Variants in SORCS2 observed in about 807,000 individuals in gnomAD.
The protein encoded by SORCS2 is sortilin related VPS10 domain containing receptor 2.
SORCS2 carries 100 observed loss-of-function variants against 141.6 expected under a neutral mutation model. That is an observed-to-expected ratio of 0.71 (90% CI 0.60 to 0.83). The LOEUF is 0.83. SORCS2 is among the 40% of genes least tolerant of loss of function. SORCS2 has a pLI of 0.00. For missense variants in SORCS2, 1,646 were observed against 1,560.2 expected, an observed-to-expected ratio of 1.05 and a Z score of -0.93; for synonymous variants, 789 against 676.9, an observed-to-expected ratio of 1.17 and a Z score of -2.57.
At chr4:7,696,909 G>A (rs1724747934) in intron 11 of SORCS2, among the ~76,000 whole-genome samples, 1 of 152,184 alleles carries the variant, frequency 6.6e-6, no homozygotes, top group Non-Finnish European at 1.5e-5. Flanking sequence ...CACACTCCAT[G>A]CTTCTTATTT....
At chr4:7,267,871 TGTCA>T (rs1004399257) in intron 1 of SORCS2, among the ~76,000 whole-genome samples, 29 of 152,224 alleles carry the variant, frequency 1.9e-4, no homozygotes, top group Non-Finnish European at 3.8e-4. Context: ...ATCGGGGGTC[TGTCA>T]GTCAACCCGT....
At chr4:7,453,640 G>C (rs1285917624) in intron 2 of SORCS2, among the ~76,000 whole-genome samples, 3 of 128,182 alleles carry the variant, frequency 2.3e-5, no homozygotes, top group Non-Finnish European at 4.9e-5. Flanking sequence ...GTTGGGGTCA[G>C]GCACTGTGTT....
chr4:7,402,209 C>G (rs1305228745), intron 2 of SORCS2, among the ~76,000 whole-genome samples: 2 of 152,184 alleles, frequency 1.3e-5, no homozygotes, highest in Non-Finnish European at 2.9e-5. Flanking sequence ...TGGAATTGCT[C>G]TCTCTCAAAG....
chr4:7,380,202 C>T (rs1042980686), intron 1 of SORCS2, among the ~76,000 whole-genome samples: 3 of 152,194 alleles, frequency 2.0e-5, no homozygotes, highest in Admixed American at 1.3e-4. Flanking sequence ...CCTGGAGCCT[C>T]CACAGGAGCC....
At chr4:7,418,517 C>T (rs556105795) in intron 2 of SORCS2, among the ~76,000 whole-genome samples, 5 of 152,230 alleles carry the variant, frequency 3.3e-5, no homozygotes, top group East Asian at 1.9e-4. Context: ...GTTGGCAGGG[C>T]GCAGGACTGT....
At position 7,500,402 on chromosome 4, in the gene SORCS2, C is replaced by A. The variant is rs750136; in HGVS notation, c.549-31128C>A. Among the ~76,000 whole-genome samples, 14 of 151,990 alleles carry A rather than the reference C, an allele frequency of 9.2e-5. 1 individual carries two copies. The East Asian group carries it at 1.2e-3, about 13-fold the overall frequency. On this transcript the variant is annotated intron_variant, in intron 2 of 26. Coordinates refer to ENST00000507866, the MANE Select transcript of SORCS2 (RefSeq NM_020777.3). ...CATTGAGGACCTCCTGCAAACAGGCCCTGGAATGGGGGCTTCCCTCCTCTG... is the reference window on the plus strand; with the variant it reads ...CATTGAGGACCTCCTGCAAACAGGCACTGGAATGGGGGCTTCCCTCCTCTG...
At chr4:7,366,253 C>G (rs570669006) in intron 1 of SORCS2, among the ~76,000 whole-genome samples, 37 of 152,078 alleles carry the variant, frequency 2.4e-4, no homozygotes, top group African/African-American at 8.0e-4. Context: ...CCCTTCCTCT[C>G]TCTCTCTCAG....
intron 1 of SORCS2, among the ~76,000 whole-genome samples, chr4:7,288,643 C>G (rs1716397002): frequency 6.6e-6 from 1 of 151,698 alleles, no homozygotes; most frequent in Non-Finnish European, 1.5e-5. Flanking sequence ...GATTGCATCC[C>G]CACTTCCTCT....
intron 14 of SORCS2, among the ~76,000 whole-genome samples, chr4:7,708,556 G>A (rs554356421): frequency 3.3e-5 from 5 of 152,282 alleles, no homozygotes; most frequent in African/African-American, 1.2e-4. Context: ...AGCGCCCCGG[G>A]AGAACAGTGA....
chr4:7,705,995 C>A (rs879219038), intron 14 of SORCS2, among the ~76,000 whole-genome samples: 2 of 151,616 alleles, frequency 1.3e-5, no homozygotes, highest in Non-Finnish European at 2.9e-5. Flanking sequence ...CCCAGGCTGG[C>A]CTCTGCCTGG....
intron 8 of SORCS2, among the ~76,000 whole-genome samples, chr4:7,673,178 T>C (rs1418808009): frequency 6.6e-6 from 1 of 152,244 alleles, no homozygotes; most frequent in African/African-American, 2.4e-5. Context: ...TTCTCAATAT[T>C]GGAATACATA....
At chr4:7,705,158 C>T (rs1725347361) in intron 14 of SORCS2, among the ~76,000 whole-genome samples, 2 of 152,162 alleles carry the variant, frequency 1.3e-5, no homozygotes. Flanking sequence ...CACAGAGACA[C>T]AGGCCTTGGG....
chr4:7,232,798 T>C (rs555364411), intron 1 of SORCS2, among the ~76,000 whole-genome samples: 3 of 138,686 alleles, frequency 2.2e-5, no homozygotes, highest in East Asian at 2.1e-4. Context: ...GCCATGGGGG[T>C]GCCCAGGGCA....
intron 3 of SORCS2, among the ~76,000 whole-genome samples, chr4:7,572,172 A>G (rs1365542899): frequency 6.6e-6 from 1 of 152,138 alleles, no homozygotes; most frequent in African/African-American, 2.4e-5. Flanking sequence ...GGCCAAATAT[A>G]CAAGGTGCAA....
chr4:7,211,319 G>GAC (rs1326132740), intron 1 of SORCS2, among the ~76,000 whole-genome samples: 2 of 152,260 alleles, frequency 1.3e-5, no homozygotes, highest in Non-Finnish European at 2.9e-5. Context: ...GAGCGTCCAC[G>GAC]ACGGGGGGCA....
chr4:7,545,152 A>C (rs931761188), intron 3 of SORCS2, among the ~76,000 whole-genome samples: 91 of 152,266 alleles, frequency 6.0e-4, no homozygotes, highest in African/African-American at 1.9e-3. Context: ...AGAAAAAAAA[A>C]AAAAAACTCG....
chr4:7,460,310 G>A (rs1729215468), intron 2 of SORCS2, among the ~76,000 whole-genome samples: 1 of 152,216 alleles, frequency 6.6e-6, no homozygotes, highest in Admixed American at 6.5e-5. Context: ...CTTTCTGATG[G>A]GGCCCACCTG....
At chr4:7,471,018 G>T (rs1298172513) in intron 2 of SORCS2, among the ~76,000 whole-genome samples, 1 of 152,194 alleles carries the variant, frequency 6.6e-6, no homozygotes, top group Non-Finnish European at 1.5e-5. Context: ...AACAGTCTGA[G>T]CTGAGACCCA....
intron 1 of SORCS2, among the ~76,000 whole-genome samples, chr4:7,267,349 A>G (rs1714813414): frequency 6.6e-6 from 1 of 152,166 alleles, no homozygotes. Context: ...ATCCTGGAGA[A>G]ACCCCCGTGG....
Sources: allele counts gnomAD v4.1 joint callset (sites outside exome capture counted in the v4.1 genomes callset), GRCh38; gene constraint gnomAD v4.1.1; transcripts MANE v1.5; gene names NCBI Gene and HGNC (gene_info 2026-07-23, HGNC 2026-07-21).